The following ZNF121 variants were observed in gnomAD, a reference collection of about 807,000 sequenced individuals.
ZNF121 encodes zinc finger protein 121.
ZNF121 carries 1 observed loss-of-function variant against 2.4 expected under a neutral mutation model. That is an observed-to-expected ratio of 0.41 (90% CI 0.15 to 1.94). The LOEUF is 1.94. Ranked by LOEUF, ZNF121 falls within the 30% of genes most tolerant of loss-of-function variation. The pLI is 0.30. For synonymous variants in ZNF121, 173 were observed against 158.6 expected (o/e 1.09, Z -0.68); for missense variants, 369 against 466.3 (o/e 0.79, Z 1.92).
In ZNF121 at chr19:9,566,950, C is replaced by A. The variant is rs1402886084; in HGVS notation, c.163G>T (p.Ala55Ser). 6 of 1,614,098 alleles carry A rather than the reference C, an allele frequency of 3.7e-6. No homozygotes were observed. Among genetic ancestry groups the A allele is most frequent in the Non-Finnish European group, 4.2e-6 (5 of 1,180,046 alleles). The change falls in exon 4 of 4, where the codon GCC (alanine) becomes TCC (serine). Residue 55 changes from alanine to serine, a missense_variant. Coordinates refer to ENST00000320451, the MANE Select transcript of ZNF121 (RefSeq NM_001008727.5). Reference sequence around the variant, plus strand: ...ACAGAAAGTGTCTCTCCAGCAGGGGCACTGTTGTGTAACATGGGAAAGTTT... The same window carrying A: ...ACAGAAAGTGTCTCTCCAGCAGGGGAACTGTTGTGTAACATGGGAAAGTTT... ...GENFPMLHNS[A>S]PAGETLSVLN... is the part of the protein sequence containing the mutation.
chr19:9,570,120 C>T (rs1049156205), intron 1 of ZNF121, among the ~76,000 whole-genome samples: 6 of 151,904 alleles, frequency 3.9e-5, no homozygotes, highest in African/African-American at 1.2e-4. Context: ...GCAGGAGAAT[C>T]GCTTTTACTC....
At chr19:9,581,709 A>G (rs2074249501) in intron 1 of ZNF121, among the ~76,000 whole-genome samples, 1 of 152,202 alleles carries the variant, frequency 6.6e-6, no homozygotes, top group African/African-American at 2.4e-5. Flanking sequence ...CACTGAAAAC[A>G]TTAACAATTG....
chr19:9,564,416 A>T lies in ZNF121; in HGVS notation c.*1524T>A, dbSNP rs141820856. 208 of 152,276 alleles carry T rather than the reference A, an allele frequency of 1.4e-3. No individual in the cohort carries two copies. Among genetic ancestry groups the T allele is most frequent in the African/African-American group, 4.7e-3 (195 of 41,568 alleles). The allele number at this position is 152,276 out of a possible 1,614,324, so 9.4% of individuals were successfully genotyped here. On this transcript the variant is annotated 3_prime_UTR_variant, in exon 4 of 4. Transcript: ENST00000320451. ...TTTAATTAAAAAAATAAAAACCAAC[A>T]TTAACCAGAGTTTGGAAGAAGTTGA...
chr19:9,560,664 G>A lies in ZNF121; in HGVS notation c.*5276C>T, dbSNP rs892418687. ...GCATATGGCAGAATTTTGTTTTTAA[G>A]GCTAAATGATATTGCATTGTATGTA... On this transcript the variant is annotated 3_prime_UTR_variant, in exon 4 of 4. Transcript: ENST00000320451. 3 of 152,172 alleles carry A rather than the reference G, an allele frequency of 2.0e-5. No homozygotes were observed. Among genetic ancestry groups the A allele is most frequent in the Admixed American group, 6.5e-5 (1 of 15,280 alleles). 9.4% of individuals were successfully genotyped at this position (152,172 alleles called of 1,614,324 possible).
At chr19:9,583,055 T>TAAAAAAAA (rs2074259275) in intron 1 of ZNF121, among the ~76,000 whole-genome samples, 3 of 29,546 alleles carry the variant, frequency 1.0e-4, no homozygotes, top group African/African-American at 7.5e-4. Context: ...CCACTAAAAA[T>TAAAAAAAA]ACAAAAAAAA....
Position 9,566,900 on chromosome 19 carries a change from G to A in ZNF121, c.213C>T (p.Phe71=), listed in dbSNP as rs1336772019. ...LSVLNQCRKA[F]SLPPNVHQRT... Reference sequence around the variant, plus strand: ...TCTGGTGAACATTTGGTGGCAGGCTGAAGGCTTTTCTGCACTGATTCAACA... The same window carrying A: ...TCTGGTGAACATTTGGTGGCAGGCTAAAGGCTTTTCTGCACTGATTCAACA... Residue 71 remains phenylalanine, a synonymous_variant, in exon 4 of 4, where the codon TTC becomes TTT. Transcript: ENST00000320451. 6.2e-7 allele frequency: 1 copy of A among 1,614,206 alleles called. No homozygotes were observed. Among genetic ancestry groups the A allele is most frequent in the Non-Finnish European group, 8.5e-7 (1 of 1,180,044 alleles).
intron 1 of ZNF121, among the ~76,000 whole-genome samples, chr19:9,572,579 T>C (rs2074181660): frequency 6.6e-6 from 1 of 152,102 alleles, no homozygotes; most frequent in Admixed American, 6.5e-5. Flanking sequence ...CACCATACTG[T>C]AGGGGTACGC....
At chr19:9,570,102 A>G (rs2144810612) in intron 1 of ZNF121, among the ~76,000 whole-genome samples, 1 of 152,034 alleles carries the variant, frequency 6.6e-6, no homozygotes, top group Middle Eastern at 3.4e-3. Flanking sequence ...ACCACTCAGG[A>G]GGCTGAGGCA....
In ZNF121 at chr19:9,566,099, T is replaced by C. The variant is rs746597038; in HGVS notation, c.1014A>G (p.Lys338=). The change falls in exon 4 of 4, where the codon AAA becomes AAG. Residue 338 remains lysine, a synonymous_variant. Coordinates refer to ENST00000320451, the MANE Select transcript of ZNF121 (RefSeq NM_001008727.5). The part of the protein sequence containing the change: ...IEHIRTHTGE[K]PYICKECGKT... ...TCCCACATTCCTTACATATATACGG[T>C]TTCTCTCCAGTGTGAGTTCTTATAT... is the stretch of plus-strand genomic sequence containing the variant. The C allele has an allele frequency of 1.2e-5, 20 of 1,614,080 alleles. No homozygotes were observed. Among genetic ancestry groups the C allele is most frequent in the East Asian group, 4.5e-5 (2 of 44,862 alleles).
At chr19:9,577,849 C>T (rs2074221995) in intron 1 of ZNF121, among the ~76,000 whole-genome samples, 1 of 151,924 alleles carries the variant, frequency 6.6e-6, no homozygotes, top group South Asian at 2.1e-4. Flanking sequence ...GAGTTCAAGA[C>T]CAGCCTGGCC....
chr19:9,575,040 A>G (rs532625751), intron 1 of ZNF121, among the ~76,000 whole-genome samples: 1 of 152,320 alleles, frequency 6.6e-6, no homozygotes, highest in Non-Finnish European at 1.5e-5. Context: ...AGCCTCACAA[A>G]GTGCTGGAAT....
At chr19:9,580,044 G>C (rs1442618075) in intron 1 of ZNF121, among the ~76,000 whole-genome samples, 1 of 152,126 alleles carries the variant, frequency 6.6e-6, no homozygotes, top group African/African-American at 2.4e-5. Flanking sequence ...TGTTATCCCA[G>C]CACTTTGGGA....
intron 1 of ZNF121, among the ~76,000 whole-genome samples, chr19:9,574,618 C>T (rs367631636): frequency 2.0e-5 from 3 of 152,212 alleles, no homozygotes; most frequent in East Asian, 1.9e-4. Flanking sequence ...ACATTTTGTA[C>T]TTGTTTTGAT....
At position 9,564,738 on chromosome 19, in the gene ZNF121, A is replaced by G. The variant is rs1459891294; in HGVS notation, c.*1202T>C. The G allele has an allele frequency of 1.7e-4, 26 of 152,246 alleles. No homozygotes were observed. The highest frequency in any genetic ancestry group is 1.5e-5 in the Non-Finnish European group (1 of 68,048). 9.4% of individuals were successfully genotyped at this position (152,246 alleles called of 1,614,324 possible). A position where few individuals can be genotyped will look rare whatever the true frequency, so the allele number is the denominator to read the frequency against. ...TCAAGCAGTGGCGAAGTTTGAGAGG[A>G]TTAAGTCCAATTCTAAAAGAAGTTC... On this transcript the variant is annotated 3_prime_UTR_variant, in exon 4 of 4. Transcript: ENST00000320451.
At chr19:9,568,369 T>G (rs1242115610) in intron 2 of ZNF121, among the ~76,000 whole-genome samples, 194 bp from the exon 3 acceptor site, 1 of 149,540 alleles carries the variant, frequency 6.7e-6, no homozygotes, top group Non-Finnish European at 1.5e-5. Context: ...CTAAACTTAG[T>G]AATTTTTTTT....
chr19:9,581,721 A>C (rs1342456672), intron 1 of ZNF121, among the ~76,000 whole-genome samples: 1 of 152,204 alleles, frequency 6.6e-6, no homozygotes, highest in Non-Finnish European at 1.5e-5. Context: ...TAACAATTGC[A>C]ATGTAAAAAT....
intron 1 of ZNF121, among the ~76,000 whole-genome samples, chr19:9,569,838 C>CTTTTT (rs752091749): frequency 1.3e-3 from 154 of 117,654 alleles, no homozygotes; most frequent in African/African-American, 4.6e-3. Flanking sequence ...TGGCCGAGAT[C>CTTTTT]TTTTTTTTTT....
chr19:9,566,198 G>A lies in ZNF121; in HGVS notation c.915C>T (p.Ile305=). Residue 305 remains isoleucine, a synonymous_variant, in exon 4 of 4, where the codon ATC becomes ATT. Coordinates refer to ENST00000320451, the MANE Select transcript of ZNF121 (RefSeq NM_001008727.5). The part of the protein sequence containing the change: ...VSSSLHNHVK[I]HTGEKPYECK... ...ATTCATAGGGCTTCTCTCCAGTATG[G>A]ATTTTTACATGATTATGTAAGCTTG... is the stretch of plus-strand genomic sequence containing the variant. The A allele has an allele frequency of 1.2e-6, 2 of 1,612,720 alleles. No individual in the cohort carries two copies. The highest frequency in any genetic ancestry group is 8.5e-7 in the Non-Finnish European group (1 of 1,179,708).
At chr19:9,567,711 T>C in intron 3 of ZNF121, 1 of 292,418 alleles carries the variant, frequency 3.4e-6, no homozygotes, top group South Asian at 3.6e-5. Flanking sequence ...CCCATCTAGG[T>C]GATGGGAGAC....
Sources: allele counts gnomAD v4.1 joint callset (sites outside exome capture counted in the v4.1 genomes callset), GRCh38; gene constraint gnomAD v4.1.1; transcripts MANE v1.5; gene names NCBI Gene and HGNC (gene_info 2026-07-23, HGNC 2026-07-21).